The following STAC variants were observed in gnomAD, a reference collection of about 807,000 sequenced individuals.
STAC encodes the protein SH3 and cysteine-rich domain-containing protein.
STAC carries 43 observed loss-of-function variants against 48.8 expected under a neutral mutation model. The observed-to-expected ratio is 0.88, with a 90% CI of 0.69 to 1.14. STAC has a LOEUF of 1.14. Ranked by LOEUF, STAC falls within the 50% of genes most tolerant of loss-of-function variation. The probability of loss-of-function intolerance (pLI) is 0.00; values close to 1 mark genes in which losing one functional copy is unlikely to be tolerated. For synonymous variants in STAC, 193 were observed against 179.5 expected, an observed-to-expected ratio of 1.07 and a Z score of -0.60; for missense variants, 497 against 504.0, an observed-to-expected ratio of 0.99 and a Z score of 0.13.
At chr3:36,418,326 A>C (rs150951995) in intron 1 of STAC, among the ~76,000 whole-genome samples, 2 of 152,152 alleles carry the variant, frequency 1.3e-5, no homozygotes, top group Non-Finnish European at 2.9e-5. Context: ...TATTATTTTC[A>C]TAACTATTTT....
rs1346889751 is a variant in STAC, at chr3:36,502,956, T to C, written c.767-1437T>C. On this transcript the variant is annotated intron_variant, in intron 6 of 10. Transcript: ENST00000273183. ...AACTATAAGCCAAGAAGAATAGATA[T>C]TTGATAAGCATCAGTACATTTACAG... Among the ~76,000 whole-genome samples, 3 of 152,174 alleles carry C rather than the reference T, an allele frequency of 2.0e-5. No homozygotes were observed. The East Asian group carries it at 5.8e-4, about 29-fold the overall frequency.
intron 8 of STAC, among the ~76,000 whole-genome samples, chr3:36,510,505 C>G (rs1218036543): frequency 1.3e-5 from 2 of 152,120 alleles, no homozygotes; most frequent in African/African-American, 4.8e-5. Context: ...GACACATGTA[C>G]ACGTATGTTT....
intron 1 of STAC, among the ~76,000 whole-genome samples, chr3:36,396,241 A>G (rs985954797): frequency 9.8e-5 from 15 of 152,332 alleles, no homozygotes; most frequent in African/African-American, 3.6e-4. Context: ...TTAGATATAC[A>G]TATGAAAAAT....
In STAC at chr3:36,505,824, T is replaced by A. The variant is rs1698390572; in HGVS notation, c.910T>A (p.Leu304Met). The change falls in exon 8 of 11, where the codon TTG becomes ATG. Residue 304 changes from leucine to methionine, a missense_variant. By Grantham distance (15) the Leu-to-Met change is conservative (BLOSUM62 2). Coordinates refer to ENST00000273183, the MANE Select transcript of STAC (RefSeq NM_003149.3). ...ATTTGTACCACAGGAGAATGAAGAT[T>A]TGGAAATGAGGTAAAAACCTTCTGT... ...YKFVPQENED[L>M]EMRPGDIITL... 6.2e-7 allele frequency: 1 copy of A among 1,603,378 alleles called. No homozygotes were observed. The highest frequency in any genetic ancestry group is 8.5e-7 in the Non-Finnish European group (1 of 1,175,176).
intron 1 of STAC, among the ~76,000 whole-genome samples, chr3:36,395,711 A>G (rs1699843675): frequency 6.6e-6 from 1 of 152,210 alleles, no homozygotes; most frequent in Non-Finnish European, 1.5e-5. Context: ...GTCATCAAGA[A>G]TTAAAAGTGT....
intron 1 of STAC, among the ~76,000 whole-genome samples, chr3:36,381,651 A>G (rs959424043): frequency 6.6e-6 from 1 of 152,178 alleles, no homozygotes; most frequent in Admixed American, 6.5e-5. Context: ...AGGGGTTGCC[A>G]GTTTATAGGA....
chr3:36,533,191 T>C (rs1699112602), intron 10 of STAC, among the ~76,000 whole-genome samples: 1 of 152,208 alleles, frequency 6.6e-6, no homozygotes, highest in Non-Finnish European at 1.5e-5. Context: ...AAAAGACTCC[T>C]TGAATACAAG....
At chr3:36,496,717 C>T (rs887726353) in intron 6 of STAC, among the ~76,000 whole-genome samples, 2 of 152,182 alleles carry the variant, frequency 1.3e-5, no homozygotes, top group Non-Finnish European at 2.9e-5. Context: ...TCACCTTTGG[C>T]TTAACTGCTA....
At chr3:36,488,144 G>A (rs1381126865) in intron 5 of STAC, among the ~76,000 whole-genome samples, 2 of 152,066 alleles carry the variant, frequency 1.3e-5, no homozygotes, top group Admixed American at 1.3e-4. Context: ...TATTGCCCAG[G>A]CTGGCCTCAA....
At chr3:36,524,588 T>C (rs191206997) in intron 8 of STAC, among the ~76,000 whole-genome samples, 1 of 151,800 alleles carries the variant, frequency 6.6e-6, no homozygotes, top group East Asian at 1.9e-4. Flanking sequence ...TGAAACTCCA[T>C]CTCAAAAAAA....
At chr3:36,406,721 A>T (rs1700094389) in intron 1 of STAC, among the ~76,000 whole-genome samples, 2 of 152,226 alleles carry the variant, frequency 1.3e-5, no homozygotes, top group African/African-American at 2.4e-5. Flanking sequence ...TCATTCATTC[A>T]CACATTGTTT....
intron 2 of STAC, among the ~76,000 whole-genome samples, chr3:36,450,813 C>T (rs1696655297): frequency 6.6e-6 from 1 of 152,184 alleles, no homozygotes; most frequent in South Asian, 2.1e-4. Context: ...GTGTGAGCCA[C>T]TGCACCCGGT....
chr3:36,534,716 GTTC>G (rs1369945251), intron 10 of STAC, among the ~76,000 whole-genome samples: 1 of 151,116 alleles, frequency 6.6e-6, no homozygotes, highest in Non-Finnish European at 1.5e-5. Flanking sequence ...CCTCCTTGTT[GTTC>G]TTCTTCATCT....
intron 1 of STAC, among the ~76,000 whole-genome samples, chr3:36,438,179 C>T (rs1273582704): frequency 4.6e-5 from 7 of 152,218 alleles, no homozygotes; most frequent in Middle Eastern, 3.4e-3. Flanking sequence ...TCAGGTGATC[C>T]GCCCACCTCC....
intron 2 of STAC, among the ~76,000 whole-genome samples, chr3:36,454,152 C>T (rs1696781301): frequency 6.6e-6 from 1 of 152,160 alleles, no homozygotes; most frequent in Non-Finnish European, 1.5e-5. Flanking sequence ...CGCTCGGATC[C>T]TCTTCCACGC....
chr3:36,420,996 A>G (rs1332676462), intron 1 of STAC, among the ~76,000 whole-genome samples: 1 of 152,118 alleles, frequency 6.6e-6, no homozygotes, highest in Non-Finnish European at 1.5e-5. Context: ...AAAAATATGT[A>G]GGTTATAACT....
At chr3:36,541,452 T>C (rs563804744) in intron 10 of STAC, among the ~76,000 whole-genome samples, 23 of 152,320 alleles carry the variant, frequency 1.5e-4, no homozygotes, top group Non-Finnish European at 2.4e-4. Flanking sequence ...CAGTGAGTGA[T>C]TGATGCAGAA....
Position 36,443,398 on chromosome 3 carries a change from C to A in STAC, c.146C>A (p.Thr49Asn). 1 of 1,614,234 alleles carries A rather than the reference C, an allele frequency of 6.2e-7. No homozygotes were observed. The highest frequency in any genetic ancestry group is 8.5e-7 in the Non-Finnish European group (1 of 1,180,044). The change falls in exon 2 of 11, where the codon ACC (threonine) becomes AAC (asparagine). Residue 49 changes from threonine (T) to asparagine (N), a missense_variant. Coordinates refer to ENST00000273183, the MANE Select transcript of STAC (RefSeq NM_003149.3). The surrounding 1 kb of genome is among the most constrained non-coding windows in gnomAD (Gnocchi z 4.2). ...CTAAAACGATCACTTTCTTTCAAGACCAAGAGTTTACGGAGCAAAAGTGCT... is the reference window on the plus strand; with the variant it reads ...CTAAAACGATCACTTTCTTTCAAGAACAAGAGTTTACGGAGCAAAAGTGCT... ...QKLKRSLSFKTKSLRSKSADN... is the reference protein window; with the variant it reads ...QKLKRSLSFKNKSLRSKSADN...
chr3:36,456,344 C>T (rs4678532), intron 2 of STAC, among the ~76,000 whole-genome samples: 1 of 151,944 alleles, frequency 6.6e-6, no homozygotes, highest in Non-Finnish European at 1.5e-5. Context: ...TCTGTTTGTA[C>T]GGAGATTTCA....
Sources: allele counts gnomAD v4.1 joint callset (sites outside exome capture counted in the v4.1 genomes callset), GRCh38; gene constraint gnomAD v4.1.1; non-coding constraint Gnocchi (gnomAD v3.1); transcripts MANE v1.5; gene names NCBI Gene and HGNC (gene_info 2026-07-23, HGNC 2026-07-21).